ZMAT4: variants seen among roughly 807,000 people sequenced by gnomAD.
The protein encoded by ZMAT4 is zinc finger matrin-type protein 4.
In ZMAT4, 17 loss-of-function variants were observed where a neutral mutation model predicts 28.7. The ratio of observed to expected loss-of-function variants is 0.59; its 90% CI spans 0.41 to 0.89. The LOEUF is 0.89. ZMAT4 is among the 40% of genes least tolerant of loss of function. ZMAT4 has a pLI of 0.00. For missense variants in ZMAT4, 240 were observed against 283.8 expected (o/e 0.85, Z 1.11); for synonymous variants, 117 against 109.2 (o/e 1.07, Z -0.44).
In ZMAT4 at chr8:40,862,656, T is replaced by A. The variant is rs543003992; in HGVS notation, c.-5+35027A>T. ...CTATGCAGCCATAAAAAAGGATGAGTTCATGTCCTTTGTAGGGACATGGAT... is the reference window on the plus strand; with the variant it reads ...CTATGCAGCCATAAAAAAGGATGAGATCATGTCCTTTGTAGGGACATGGAT... On this transcript the variant is annotated intron_variant, in intron 1 of 6. Transcript: ENST00000297737. 1.8e-3 allele frequency among the ~76,000 whole-genome samples: 262 copies of A among 146,766 alleles called. 1 individual carries two copies. Among genetic ancestry groups the A allele is most frequent in the African/African-American group, 6.1e-3 (243 of 39,596 alleles).
At chr8:40,627,825 G>A (rs1237046266) in intron 5 of ZMAT4, among the ~76,000 whole-genome samples, 1 of 151,998 alleles carries the variant, frequency 6.6e-6, no homozygotes, top group East Asian at 1.9e-4. Flanking sequence ...CTATTTCTTA[G>A]AGAATCCTTT....
intron 1 of ZMAT4, among the ~76,000 whole-genome samples, chr8:40,844,657 CTGTGTGTGTGTGTGTG>C (rs71224857): frequency 1.4e-5 from 2 of 142,404 alleles, no homozygotes; most frequent in Non-Finnish European, 3.0e-5. Context: ...CTCTCTCATT[CTGTGTGTGTGTGTGTG>C]TGTGTGTGTG....
chr8:40,625,281 GTCT>G (rs138225442), intron 5 of ZMAT4, among the ~76,000 whole-genome samples: 36,748 of 151,918 alleles, frequency 0.24, 5,445 homozygotes, highest in Non-Finnish European at 0.34. Context: ...GATAGTGTGA[GTCT>G]TACACACCCT....
intron 4 of ZMAT4, among the ~76,000 whole-genome samples, chr8:40,689,654 C>G (rs1809571614): frequency 1.3e-5 from 2 of 151,770 alleles, no homozygotes; most frequent in African/African-American, 2.4e-5. Context: ...GGGTTCTTAT[C>G]TTTAATAGAT....
intron 5 of ZMAT4, among the ~76,000 whole-genome samples, chr8:40,613,062 C>T (rs1342109363): frequency 6.6e-6 from 1 of 151,958 alleles, no homozygotes; most frequent in Non-Finnish European, 1.5e-5. Context: ...CCGCCCACCT[C>T]AGCCTCCCAA....
chr8:40,593,503 G>A (rs529183198), intron 5 of ZMAT4, among the ~76,000 whole-genome samples: 2 of 152,252 alleles, frequency 1.3e-5, no homozygotes, highest in African/African-American at 4.8e-5. Context: ...TGATTTCCCT[G>A]AGTAAGCATC....
chr8:40,546,083 G>A (rs1207815184), intron 6 of ZMAT4, among the ~76,000 whole-genome samples: 1 of 151,946 alleles, frequency 6.6e-6, no homozygotes, highest in Non-Finnish European at 1.5e-5. Context: ...CCTTCACACA[G>A]CCCACAAAAG....
chr8:40,743,891 G>A (rs1006237125), intron 3 of ZMAT4, among the ~76,000 whole-genome samples: 2 of 152,184 alleles, frequency 1.3e-5, no homozygotes, highest in Non-Finnish European at 2.9e-5. Flanking sequence ...CGTGGTACAG[G>A]TGCTGTTTGA....
chr8:40,583,927 A>G (rs1257475816), intron 5 of ZMAT4, among the ~76,000 whole-genome samples: 1 of 152,204 alleles, frequency 6.6e-6, no homozygotes, highest in Non-Finnish European at 1.5e-5. Flanking sequence ...GGAAACAATC[A>G]TATATGCATT....
chr8:40,533,245 G>C (rs1049820518), intron 6 of ZMAT4, among the ~76,000 whole-genome samples: 2 of 152,122 alleles, frequency 1.3e-5, no homozygotes, highest in Non-Finnish European at 2.9e-5. Flanking sequence ...CTAAATTAAT[G>C]GCACAAGATC....
intron 1 of ZMAT4, among the ~76,000 whole-genome samples, chr8:40,846,170 C>A (rs896636027): frequency 3.9e-5 from 6 of 152,168 alleles, no homozygotes; most frequent in African/African-American, 1.4e-4. Flanking sequence ...ACGCACCACC[C>A]CCCTCCCTAC....
chr8:40,672,500 A>G (rs1808719473), intron 5 of ZMAT4, among the ~76,000 whole-genome samples: 1 of 152,216 alleles, frequency 6.6e-6, no homozygotes, highest in Non-Finnish European at 1.5e-5. Flanking sequence ...ACTGAGTCAC[A>G]GTCACATTGA....
chr8:40,616,817 C>T (rs1806024958), intron 5 of ZMAT4, among the ~76,000 whole-genome samples: 1 of 149,586 alleles, frequency 6.7e-6, no homozygotes, highest in South Asian at 2.1e-4. Context: ...AGCACACCAA[C>T]ATGGCACATG....
At chr8:40,646,782 T>A (rs1807337798) in intron 5 of ZMAT4, among the ~76,000 whole-genome samples, 2 of 152,196 alleles carry the variant, frequency 1.3e-5, no homozygotes, top group South Asian at 4.1e-4. Context: ...CCACTTTCAA[T>A]ATGGATAGAA....
rs570570737 is a variant in ZMAT4, at chr8:40,701,609, C to T, written c.193-4208G>A. On this transcript the variant is annotated intron_variant, in intron 3 of 6. Transcript: ENST00000297737. ...CTCGGCTCACTGCAACCTCCACCTC[C>T]TGGGTTCCAGTGATTCTCCCATCTC... Among the ~76,000 whole-genome samples, 23 of 143,330 alleles carry T rather than the reference C, an allele frequency of 1.6e-4. No homozygotes were observed. In the South Asian group the frequency reaches 5.0e-3, roughly 31 times the overall value. 94.0% of individuals were successfully genotyped at this position (143,330 alleles called of 152,430 possible).
chr8:40,717,402 C>T (rs1810902454), intron 3 of ZMAT4, among the ~76,000 whole-genome samples: 1 of 152,148 alleles, frequency 6.6e-6, no homozygotes, highest in Admixed American at 6.5e-5. Context: ...CGCCTGTAAT[C>T]CCAGCACTTT....
intron 5 of ZMAT4, among the ~76,000 whole-genome samples, chr8:40,663,718 A>G (rs1416628430): frequency 6.6e-6 from 1 of 152,204 alleles, no homozygotes; most frequent in Admixed American, 6.5e-5. Context: ...TAATAATGCA[A>G]AAATAACCAG....
At chr8:40,654,850 T>C (rs991940561) in intron 5 of ZMAT4, among the ~76,000 whole-genome samples, 1 of 152,088 alleles carries the variant, frequency 6.6e-6, no homozygotes, top group South Asian at 2.1e-4. Context: ...TCATACTTCA[T>C]AGTGATAATT....
At chr8:40,845,933 C>T (rs1389306632) in intron 1 of ZMAT4, among the ~76,000 whole-genome samples, 2 of 152,050 alleles carry the variant, frequency 1.3e-5, no homozygotes, top group African/African-American at 4.8e-5. Flanking sequence ...GACAGATGGC[C>T]CTCCAGCAGA....
Sources: allele counts gnomAD v4.1 joint callset (sites outside exome capture counted in the v4.1 genomes callset), GRCh38; gene constraint gnomAD v4.1.1; transcripts MANE v1.5; gene names NCBI Gene and HGNC (gene_info 2026-07-23, HGNC 2026-07-21).